HEATR5B: variants seen among roughly 807,000 people sequenced by gnomAD.
HEATR5B encodes HEAT repeat-containing protein 5B.
Under a neutral mutation model 224.1 loss-of-function variants are expected in HEATR5B, and 156 were observed. The ratio of observed to expected loss-of-function variants is 0.70; its 90% CI spans 0.61 to 0.80. The LOEUF is 0.80. HEATR5B is among the 30% of genes least tolerant of loss of function. HEATR5B has a pLI of 0.00. For synonymous variants in HEATR5B, 1,027 were observed against 893.0 expected, an observed-to-expected ratio of 1.15 and a Z score of -2.68; for missense variants, 2,323 against 2,535.5, an observed-to-expected ratio of 0.92 and a Z score of 1.80.
chr2:37,008,950 G>A, intron 27 of HEATR5B, 102 bp from the exon 28 acceptor site: 1 of 828,996 alleles, frequency 1.2e-6, no homozygotes, highest in Admixed American at 2.3e-5. Flanking sequence ...AAGATAACTG[G>A]GTATAGATAT....
At chr2:37,083,805 CTT>C (rs1210004366) in intron 1 of HEATR5B, among the ~76,000 whole-genome samples, 1 of 152,242 alleles carries the variant, frequency 6.6e-6, no homozygotes, top group Non-Finnish European at 1.5e-5. Flanking sequence ...CCATCCTCCT[CTT>C]TTTCTCGTCC....
chr2:37,061,047 T>C (rs566596115), intron 11 of HEATR5B, among the ~76,000 whole-genome samples: 1 of 152,304 alleles, frequency 6.6e-6, no homozygotes, highest in East Asian at 1.9e-4. Context: ...GTATTGAGAA[T>C]GGTGGATTGC....
chr2:37,071,210 G>A (rs1039564434), intron 6 of HEATR5B, among the ~76,000 whole-genome samples: 1 of 152,062 alleles, frequency 6.6e-6, no homozygotes, highest in Non-Finnish European at 1.5e-5. Context: ...GCTCAAAGAA[G>A]TGAAATAGGG....
At chr2:37,060,989 T>A (rs1377418514) in intron 11 of HEATR5B, among the ~76,000 whole-genome samples, 1 of 152,158 alleles carries the variant, frequency 6.6e-6, no homozygotes, top group Admixed American at 6.5e-5. Flanking sequence ...ATTTTTAGAA[T>A]CCAAACATAA....
chr2:37,074,906 T>G (rs1221580683), intron 5 of HEATR5B, among the ~76,000 whole-genome samples: 2 of 152,208 alleles, frequency 1.3e-5, no homozygotes, highest in African/African-American at 4.8e-5. Context: ...TTAAAAAGAC[T>G]GTCAGTAACA....
intron 33 of HEATR5B, among the ~76,000 whole-genome samples, chr2:36,993,062 G>C (rs952734059): frequency 8.5e-5 from 13 of 152,134 alleles, no homozygotes; most frequent in Admixed American, 4.6e-4. Flanking sequence ...AGAAGATGGG[G>C]CATCTAAATA....
At chr2:37,006,402 C>A (rs1053566256) in intron 29 of HEATR5B, among the ~76,000 whole-genome samples, 1 of 152,098 alleles carries the variant, frequency 6.6e-6, no homozygotes, top group Non-Finnish European at 1.5e-5. Flanking sequence ...ATCTCAGCAC[C>A]CAGCCGAGGT....
At chr2:37,052,719 C>A (rs187816569) in intron 17 of HEATR5B, among the ~76,000 whole-genome samples, 3 of 152,318 alleles carry the variant, frequency 2.0e-5, no homozygotes, top group African/African-American at 7.2e-5. Context: ...TGCTGCCACA[C>A]TGCAGCAGCC....
At chr2:37,060,475 C>T (rs1671213285) in intron 12 of HEATR5B, 106 bp downstream of exon 12, 1 of 883,864 alleles carries the variant, frequency 1.1e-6, no homozygotes, top group Non-Finnish European at 1.6e-6. Flanking sequence ...ATGAATTTAT[C>T]ATTACCTAGT....
chr2:37,029,500 C>A (rs535698303), intron 22 of HEATR5B, among the ~76,000 whole-genome samples: 1 of 151,966 alleles, frequency 6.6e-6, no homozygotes, highest in Non-Finnish European at 1.5e-5. Flanking sequence ...CCCGTCTCTA[C>A]TAAAAATACA....
At chr2:37,030,017 G>A (rs1412921041) in intron 22 of HEATR5B, among the ~76,000 whole-genome samples, 2 of 151,936 alleles carry the variant, frequency 1.3e-5, no homozygotes, top group South Asian at 2.1e-4. Context: ...AAAAAGCAAT[G>A]TTGTCATGAA....
In HEATR5B at chr2:37,058,437, A is replaced by G. The variant is rs2148550820; in HGVS notation, c.2059+14T>C. The G allele has an allele frequency of 6.6e-7, 1 of 1,523,128 alleles. No homozygotes were observed. The highest frequency in any genetic ancestry group is 1.1e-5 in the South Asian group (1 of 88,848). 94.4% of individuals were successfully genotyped at this position (1,523,128 alleles called of 1,614,324 possible). On this transcript the variant is annotated intron_variant, in intron 14 of 35. Coordinates refer to ENST00000233099, the MANE Select transcript of HEATR5B (RefSeq NM_019024.3). ...AGAAAAATTTTTATCAGATACCACAAATTTTTAATTTACCTTCATAAGTTT... is the reference window on the plus strand; with the variant it reads ...AGAAAAATTTTTATCAGATACCACAGATTTTTAATTTACCTTCATAAGTTT...
chr2:37,023,641 T>C (rs960224812), intron 24 of HEATR5B, among the ~76,000 whole-genome samples: 1 of 151,756 alleles, frequency 6.6e-6, no homozygotes, highest in Non-Finnish European at 1.5e-5. Context: ...TGGCGGCGGG[T>C]GCCTGTAATG....
intron 8 of HEATR5B, among the ~76,000 whole-genome samples, 189 bp downstream of exon 8, chr2:37,068,492 C>A (rs750142674): frequency 6.6e-6 from 1 of 152,062 alleles, no homozygotes; most frequent in Non-Finnish European, 1.5e-5. Flanking sequence ...CAACATACCA[C>A]CCAAATCTTT....
Position 37,065,808 on chromosome 2 carries a change from A to G in HEATR5B, c.1280T>C (p.Leu427Pro), listed in dbSNP as rs1371222541. Residue 427 changes from leucine (L) to proline (P), a missense_variant, in exon 9 of 36, where the codon CTG (leucine) becomes CCG (proline). Around this residue, in one of 12 missense-constraint regions of HEATR5B, gnomAD observed 502 missense variants for 517.8 expected, o/e 0.97. Coordinates refer to ENST00000233099, the MANE Select transcript of HEATR5B (RefSeq NM_019024.3). ...MVCALQELGS[L>P]VQSLNATASP... ...TGCGGTGGCATTCAAGCTCTGCACC[A>G]GGCTCCCGAGTTCCTGGAGGGCACA... 1 of 1,614,044 alleles carries G rather than the reference A, an allele frequency of 6.2e-7. No individual in the cohort carries two copies. The highest frequency in any genetic ancestry group is 8.5e-7 in the Non-Finnish European group (1 of 1,179,932).
At chr2:37,000,486 C>T in intron 33 of HEATR5B, 100 bp downstream of exon 33, 1 of 844,148 alleles carries the variant, frequency 1.2e-6, no homozygotes, top group Non-Finnish European at 2.0e-6. Context: ...TGAGATGATT[C>T]ATTGTTATAC....
intron 7 of HEATR5B, 117 bp from the exon 8 acceptor site, chr2:37,069,047 T>TA (rs1671756834): frequency 6.5e-6 from 7 of 1,077,890 alleles, no homozygotes; most frequent in Non-Finnish European, 9.1e-6. Context: ...TATTTGAGGC[T>TA]AAAACAGAGA....
At chr2:37,080,091 C>T (rs987004991) in intron 2 of HEATR5B, among the ~76,000 whole-genome samples, 3 of 152,118 alleles carry the variant, frequency 2.0e-5, no homozygotes, top group African/African-American at 4.8e-5. Context: ...GTATAAAGGC[C>T]TTGAGGTTGG....
At chr2:36,987,602 G>C in intron 35 of HEATR5B, among the ~76,000 whole-genome samples, 1 of 151,970 alleles carries the variant, frequency 6.6e-6, no homozygotes, top group East Asian at 1.9e-4. Flanking sequence ...ATATTAAACT[G>C]CATAAGTTTC....
Sources: allele counts gnomAD v4.1 joint callset (sites outside exome capture counted in the v4.1 genomes callset), GRCh38; gene constraint gnomAD v4.1.1; regional missense constraint gnomAD v4.1.1; transcripts MANE v1.5; gene names NCBI Gene and HGNC (gene_info 2026-07-23, HGNC 2026-07-21).